Variants in THSD4 observed in about 807,000 individuals in gnomAD.
The protein encoded by THSD4 is thrombospondin type 1 domain containing 4, also known as thrombospondin type-1 domain-containing protein 4.
In THSD4, 69 loss-of-function variants were observed where a neutral mutation model predicts 119.0. That is an observed-to-expected ratio of 0.58 (90% CI 0.48 to 0.71). The LOEUF (loss-of-function observed/expected upper bound fraction) is 0.71, where lower values mean the gene tolerates loss of function less well. Ranked by LOEUF, THSD4 falls within the 30% of genes least tolerant of loss-of-function variation. The pLI, the probability that THSD4 is intolerant of heterozygous loss-of-function variation, is 0.00. For missense variants in THSD4, 1,393 were observed against 1,391.1 expected (o/e 1.00, Z -0.02); for synonymous variants, 524 against 540.4 (o/e 0.97, Z 0.42).
rs772729777 is a variant in THSD4, at chr15:71,608,249, T to TATACACACACAC, written c.1153-52280_1153-52279insTACACACACACA. Reference sequence around the variant, plus strand: ...AAAAAAAAAAAAAAATATATATATATACACACACACACACACACACACACA... The same window carrying TATACACACACAC: ...AAAAAAAAAAAAAAATATATATATATATACACACACACACACACACACACACACACACACACA... On this transcript the variant is annotated intron_variant, in intron 7 of 17. Transcript: ENST00000261862. Among the ~76,000 whole-genome samples the TATACACACACAC allele has an allele frequency of 7.1e-3, 755 of 106,188 alleles. 8 individuals are homozygous for TATACACACACAC. Among genetic ancestry groups the TATACACACACAC allele is most frequent in the Admixed American group, 0.019 (167 of 8,574 alleles). 69.7% of individuals were successfully genotyped at this position (106,188 alleles called of 152,430 possible). A position where few individuals can be genotyped will look rare whatever the true frequency, so the allele number is the denominator to read the frequency against.
At chr15:71,431,480 A>G (rs1305393630) in intron 7 of THSD4, among the ~76,000 whole-genome samples, 1 of 152,210 alleles carries the variant, frequency 6.6e-6, no homozygotes, top group Non-Finnish European at 1.5e-5. Flanking sequence ...ACTGTGGACA[A>G]CAAGACTTAA....
intron 5 of THSD4, among the ~76,000 whole-genome samples, chr15:71,252,866 T>TATCATCATCATC (rs56093539): frequency 2.6e-4 from 40 of 151,136 alleles, no homozygotes; most frequent in African/African-American, 9.7e-4. Context: ...AAAAGTTAGG[T>TATCATCATCATC]ATCATCATCA....
chr15:71,321,249 T>C lies in THSD4; in HGVS notation c.1015+64534T>C, dbSNP rs185327700. ...TGTACTCCCTCTGTAAAACTTTTGT[T>C]ATCAGGCCAGGCGCGGTGGCTCAAG... is the stretch of plus-strand genomic sequence containing the variant. On this transcript the variant is annotated intron_variant, in intron 6 of 17. Transcript: ENST00000261862. 5.1e-3 allele frequency among the ~76,000 whole-genome samples: 772 copies of C among 151,854 alleles called. 1 individual carries two copies. The highest frequency in any genetic ancestry group is 0.011 in the Admixed American group (167 of 15,244).
chr15:71,725,852 G>GCT (rs2141122075), intron 8 of THSD4, among the ~76,000 whole-genome samples: 1 of 151,924 alleles, frequency 6.6e-6, no homozygotes, highest in Non-Finnish European at 1.5e-5. Context: ...TGCGATCTTG[G>GCT]CTCACCACAA....
At chr15:71,293,781 G>A (rs2044825593) in intron 6 of THSD4, among the ~76,000 whole-genome samples, 1 of 152,000 alleles carries the variant, frequency 6.6e-6, no homozygotes, top group Non-Finnish European at 1.5e-5. Flanking sequence ...CCTAACAGTA[G>A]GAAATTTAGT....
Position 71,525,344 on chromosome 15 carries a change from C to T in THSD4, c.1152+113521C>T, listed in dbSNP as rs545877994. ...ACTTTAAGCATCCTAATGTTAAAAC[C>T]GACACTCATAACCACTGAACTGCAG... On this transcript the variant is annotated intron_variant, in intron 7 of 17. Coordinates refer to ENST00000261862, the MANE Select transcript of THSD4 (RefSeq NM_024817.3). 2.2e-3 allele frequency among the ~76,000 whole-genome samples: 328 copies of T among 152,122 alleles called. 11 individuals are homozygous for T. In the South Asian group the frequency reaches 0.064, roughly 30 times the overall value.
intron 7 of THSD4, among the ~76,000 whole-genome samples, chr15:71,542,237 G>T (rs1405501697): frequency 2.6e-5 from 4 of 152,110 alleles, no homozygotes; most frequent in African/African-American, 9.7e-5. Context: ...CAGGACATTT[G>T]CATAGCCTCA....
intron 3 of THSD4, among the ~76,000 whole-genome samples, chr15:71,174,065 C>G (rs1437583659): frequency 6.6e-6 from 1 of 152,068 alleles, no homozygotes; most frequent in Non-Finnish European, 1.5e-5. Flanking sequence ...GCACCAGGAA[C>G]AAAAGAAAAA....
At chr15:71,370,675 A>AT (rs200262715) in intron 6 of THSD4, among the ~76,000 whole-genome samples, 1,803 of 152,234 alleles carry the variant, frequency 0.012, 42 homozygotes, top group African/African-American at 0.041. Flanking sequence ...GTTCTTTTAC[A>AT]TTTGCTGAGG....
chr15:71,522,281 C>A (rs1038142341), intron 7 of THSD4, among the ~76,000 whole-genome samples: 2 of 152,074 alleles, frequency 1.3e-5, no homozygotes, highest in African/African-American at 4.8e-5. Context: ...CCAAATGTTA[C>A]TATTATTATT....
intron 8 of THSD4, among the ~76,000 whole-genome samples, chr15:71,711,648 A>G (rs1276853935): frequency 2.7e-5 from 4 of 148,886 alleles, no homozygotes; most frequent in Non-Finnish European, 5.9e-5. Flanking sequence ...TATGCTGTCT[A>G]TAAGAAATCC....
At position 71,434,434 on chromosome 15, in the gene THSD4, C is replaced by CTTT. The variant is rs34097873; in HGVS notation, c.1152+22637_1152+22639dup. ...CAAAACAAAAAGAGGTCAGTGGTCC[C>CTTT]TTTTTTTTTTTTTTTTTTTTTTTTT... On this transcript the variant is annotated intron_variant, in intron 7 of 17. Transcript: ENST00000261862. Among the ~76,000 whole-genome samples, 811 of 82,526 alleles carry CTTT rather than the reference C, an allele frequency of 9.8e-3. 49 individuals carry two copies. The highest frequency in any genetic ancestry group is 0.018 in the East Asian group (45 of 2,466). The allele number at this position is 82,526 out of a possible 152,430, so 54.1% of individuals were successfully genotyped here. A position where few individuals can be genotyped will look rare whatever the true frequency, so the allele number is the denominator to read the frequency against.
Position 71,728,702 on chromosome 15 carries a change from C to T in THSD4, c.1511C>T (p.Thr504Ile). The T allele has an allele frequency of 6.2e-7, 1 of 1,614,152 alleles. No individual in the cohort carries two copies. The highest frequency in any genetic ancestry group is 8.5e-7 in the Non-Finnish European group (1 of 1,180,040). Residue 504 changes from threonine (T) to isoleucine (I), a missense_variant, in exon 9 of 18, where the codon ACC becomes ATC. By Grantham distance (89) the Thr-to-Ile change is moderately conservative. Transcript: ENST00000261862. ...AGESFLAEGPTNEILDVYMIH... is the reference protein window; with the variant it reads ...AGESFLAEGPINEILDVYMIH... Reference sequence around the variant, plus strand: ...GAGTCCTTTTTGGCGGAAGGTCCCACCAACGAGATCTTGGATGTCTACGTG... The same window carrying T: ...GAGTCCTTTTTGGCGGAAGGTCCCATCAACGAGATCTTGGATGTCTACGTG...
At chr15:71,696,200 C>T (rs182778261) in intron 8 of THSD4, among the ~76,000 whole-genome samples, 7 of 152,230 alleles carry the variant, frequency 4.6e-5, no homozygotes, top group African/African-American at 1.7e-4. Context: ...GTTCTGCAGG[C>T]CGAGAAGTTC....
Position 71,261,230 on chromosome 15 carries a change from CA to C in THSD4, c.1015+4516del, listed in dbSNP as rs2044394835. Among the ~76,000 whole-genome samples the C allele has an allele frequency of 2.0e-5, 3 of 152,178 alleles. No homozygotes were observed. The South Asian group carries it at 6.2e-4, about 32-fold the overall frequency. The stretch of plus-strand genomic sequence containing the variant: ...AGAGAGCACCATGGGAAGACACAGA[CA>C]GGGGGAAGACAGCCCATGTGAAGGC... On this transcript the variant is annotated intron_variant, in intron 6 of 17. Coordinates refer to ENST00000261862, the MANE Select transcript of THSD4 (RefSeq NM_024817.3).
intron 1 of THSD4, among the ~76,000 whole-genome samples, chr15:71,130,288 C>G (rs651003): frequency 0.15 from 22,883 of 152,164 alleles, 3,784 homozygotes; most frequent in African/African-American, 0.41. Context: ...CCGGCTCAAT[C>G]GATCCTCCCA....
intron 7 of THSD4, among the ~76,000 whole-genome samples, chr15:71,549,212 A>G (rs2048889042): frequency 6.6e-6 from 1 of 152,232 alleles, no homozygotes; most frequent in Non-Finnish European, 1.5e-5. Flanking sequence ...TGTGCTTAAC[A>G]TGAATAGCTA....
intron 6 of THSD4, among the ~76,000 whole-genome samples, chr15:71,403,323 A>G (rs2046562881): frequency 6.6e-6 from 1 of 152,304 alleles, no homozygotes; most frequent in South Asian, 2.1e-4. Flanking sequence ...TGATAATTTG[A>G]CTAGATATAG....
intron 6 of THSD4, among the ~76,000 whole-genome samples, chr15:71,354,807 C>T (rs894934600): frequency 1.3e-5 from 2 of 152,172 alleles, no homozygotes; most frequent in African/African-American, 4.8e-5. Context: ...CATCACTGTC[C>T]AGACAAGATG....
Sources: allele counts gnomAD v4.1 joint callset (sites outside exome capture counted in the v4.1 genomes callset), GRCh38; gene constraint gnomAD v4.1.1; transcripts MANE v1.5; gene names NCBI Gene and HGNC (gene_info 2026-07-23, HGNC 2026-07-21).